RPS27A: variants seen among roughly 807,000 people sequenced by gnomAD.
RPS27A encodes the protein ribosomal protein S27a, also known as ubiquitin-ribosomal protein eS31 fusion protein.
A neutral mutation model predicts 18.9 loss-of-function variants in RPS27A; 1 was observed. The observed-to-expected ratio is 0.05, with a 90% CI of 0.02 to 0.25. The LOEUF is 0.25. RPS27A is among the 10% of genes least tolerant of loss of function. The pLI is 1.00. For synonymous variants in RPS27A, 77 were observed against 63.7 expected, an observed-to-expected ratio of 1.21 and a Z score of -0.99; for missense variants, 123 against 187.4, an observed-to-expected ratio of 0.66 and a Z score of 2.01.
chr2:55,232,668 G>C, upstream of RPS27A: 1 of 735,592 alleles, frequency 1.4e-6, no homozygotes, highest in South Asian at 1.5e-5. Context: ...GAAACCCCGT[G>C]GGCCTGCGCG....
chr2:55,233,299 C>T (rs1415139006), intron 2 of RPS27A, 64 bp from the exon 3 acceptor site: 6 of 1,359,762 alleles, frequency 4.4e-6, no homozygotes, highest in African/African-American at 1.4e-5. Flanking sequence ...AATTGTCAAA[C>T]TAAATGAGTT....
intron 2 of RPS27A, 41 bp downstream of exon 2, chr2:55,232,913 A>C: frequency 6.6e-7 from 1 of 1,525,622 alleles, no homozygotes; most frequent in East Asian, 2.3e-5. Context: ...GGTCCGAATA[A>C]GGTCCTGAGG....
chr2:55,235,804 T>C lies in RPS27A; in HGVS notation c.*227T>C. ...GTCTTGATATTTTCAATTCTTAGAC[T>C]ACCTATACTTTGGCAGAAGTTATAT... On this transcript the variant is annotated 3_prime_UTR_variant, in exon 6 of 6. Coordinates refer to ENST00000272317, the MANE Select transcript of RPS27A (RefSeq NM_002954.6). 1.7e-6 allele frequency: 1 copy of C among 582,248 alleles called. No homozygotes were observed. Among genetic ancestry groups the C allele is most frequent in the South Asian group, 2.0e-5 (1 of 49,936 alleles). The allele number at this position is 582,248 out of a possible 1,614,324, so 36.1% of individuals were successfully genotyped here.
chr2:55,233,341 G>A (rs1372436465), intron 2 of RPS27A, 22 bp from the exon 3 acceptor site: 13 of 1,599,110 alleles, frequency 8.1e-6, no homozygotes, highest in Non-Finnish European at 1.0e-5. Flanking sequence ...TAACCAACAT[G>A]CTTTCACTTT....
intron 1 of RPS27A, 37 bp downstream of exon 1, chr2:55,232,745 C>G (rs1415232846): frequency 7.6e-7 from 1 of 1,324,248 alleles, no homozygotes; most frequent in African/African-American, 1.4e-5. Flanking sequence ...CGGGTTAGCA[C>G]CCTATGGTGC....
chr2:55,233,201 C>T, intron 2 of RPS27A, 162 bp from the exon 3 acceptor site: 1 of 723,626 alleles, frequency 1.4e-6, no homozygotes, highest in Non-Finnish European at 2.5e-6. Flanking sequence ...AAGGTGCTTT[C>T]CGGTAGCCGA....
upstream of RPS27A, chr2:55,232,567 T>C (rs1235381812): frequency 1.7e-6 from 1 of 572,044 alleles, no homozygotes; most frequent in African/African-American, 1.9e-5. Context: ...GTTCACGTCC[T>C]AGTCTGGCAC....
intron 2 of RPS27A, 98 bp from the exon 3 acceptor site, chr2:55,233,265 C>T (rs1675586371): frequency 9.7e-7 from 1 of 1,033,594 alleles, no homozygotes; most frequent in Non-Finnish European, 1.5e-6. Flanking sequence ...GGTCTCAGCC[C>T]TGTCGCTGGT....
intron 2 of RPS27A, 65 bp from the exon 3 acceptor site, chr2:55,233,298 A>T: frequency 7.4e-7 from 1 of 1,356,320 alleles, no homozygotes; most frequent in Non-Finnish European, 1.1e-6. Flanking sequence ...TAATTGTCAA[A>T]CTAAATGAGT....
Position 55,234,818 on chromosome 2 carries a change from C to T in RPS27A, c.190-13C>T, listed in dbSNP as rs1461720655. 1.9e-6 allele frequency: 3 copies of T among 1,611,792 alleles called. No individual in the cohort carries two copies. The highest frequency in any genetic ancestry group is 1.7e-5 in the Admixed American group (1 of 60,002). Reference sequence around the variant, plus strand: ...TGGAATCATGAAAGCTTGCTTCATTCTTCCATTAACAGGAGTCTACTCTTC... The same window carrying T: ...TGGAATCATGAAAGCTTGCTTCATTTTTCCATTAACAGGAGTCTACTCTTC... On this transcript the variant is annotated splice_polypyrimidine_tract_variant and intron_variant, in intron 4 of 5. Coordinates refer to ENST00000272317, the MANE Select transcript of RPS27A (RefSeq NM_002954.6).
At chr2:55,235,337 C>A (rs1324513479) in intron 5 of RPS27A, 91 bp from the exon 6 acceptor site, 5 of 1,421,306 alleles carry the variant, frequency 3.5e-6, no homozygotes, top group Non-Finnish European at 4.9e-6. Context: ...ACCAGTATTA[C>A]ACAGTTAAAA....
intron 2 of RPS27A, 137 bp downstream of exon 2, chr2:55,233,009 C>G (rs1024012782): frequency 1.6e-5 from 13 of 791,642 alleles, no homozygotes; most frequent in Non-Finnish European, 2.2e-6. Flanking sequence ...AAATGAGTAC[C>G]TTTTGCTGAG....
chr2:55,234,399 G>T (rs1030868033), intron 4 of RPS27A, 195 bp downstream of exon 4: 1 of 605,574 alleles, frequency 1.7e-6, no homozygotes, highest in Non-Finnish European at 2.9e-6. Context: ...ATAGGCACCC[G>T]CCACCATGCC....
At chr2:55,233,512 G>C (rs1208299348) in intron 3 of RPS27A, 95 bp downstream of exon 3, 67 of 859,010 alleles carry the variant, frequency 7.8e-5, no homozygotes, top group Non-Finnish European at 5.5e-5. Flanking sequence ...ATGGGGGAAG[G>C]GGTCAGATTG....
chr2:55,232,957 T>G, intron 2 of RPS27A, 85 bp downstream of exon 2: 1 of 1,104,672 alleles, frequency 9.1e-7, no homozygotes, highest in East Asian at 2.4e-5. Context: ...TTCCATGTCT[T>G]AGACCATGAT....
At chr2:55,232,413 C>G, upstream of RPS27A, 1 of 289,734 alleles carries the variant, frequency 3.5e-6, no homozygotes, top group South Asian at 3.4e-5. Context: ...CCCTCGACCT[C>G]CTTTTAAAAA....
At chr2:55,234,288 C>T in intron 4 of RPS27A, 84 bp downstream of exon 4, 2 of 961,652 alleles carry the variant, frequency 2.1e-6, no homozygotes, top group Non-Finnish European at 3.3e-6. Flanking sequence ...GAGACAGGCT[C>T]TGACTCTGTC....
chr2:55,233,558 AT>A, intron 3 of RPS27A, 141 bp downstream of exon 3: 2 of 702,520 alleles, frequency 2.8e-6, no homozygotes, highest in Non-Finnish European at 5.2e-6. Context: ...CACAATAGAC[AT>A]TGGTGATCGG....
chr2:55,234,762 A>G, intron 4 of RPS27A, 69 bp from the exon 5 acceptor site: 1 of 1,577,606 alleles, frequency 6.3e-7, no homozygotes. Flanking sequence ...TTAATTAGAA[A>G]ATGCATAATG....
Sources: gnomAD v4.1 joint callset for allele counts on GRCh38, gnomAD v4.1.1 for gene constraint, MANE v1.5 for transcripts, NCBI Gene and HGNC (gene_info 2026-07-23, HGNC 2026-07-21) for gene names.